Variants in CISD2 observed in about 807,000 individuals in gnomAD.
CISD2 encodes the protein CDGSH iron sulfur domain 2, also known as CDGSH iron-sulfur domain-containing protein 2.
In CISD2, 1 loss-of-function variant was observed where a neutral mutation model predicts 12.9. The observed-to-expected ratio is 0.08, with a 90% confidence interval of 0.03 to 0.37. The LOEUF is 0.37. Among genes scored for constraint, CISD2 ranks in the 10% least tolerant of loss-of-function variants. The pLI, the probability that CISD2 is intolerant of heterozygous loss-of-function variation, is 0.99. For synonymous variants in CISD2, 50 were observed against 60.6 expected, an observed-to-expected ratio of 0.83 and a Z score of 0.81; for missense variants, 97 against 163.1, an observed-to-expected ratio of 0.59 and a Z score of 2.21.
intron 1 of CISD2, chr4:102,874,747 A>G (rs1394658649): frequency 6.6e-6 from 1 of 152,218 alleles, no homozygotes; most frequent in East Asian, 1.9e-4. Context: ...TGTTCTCTGC[A>G]GTTTAGGGAA....
intron 1 of CISD2, 53 bp downstream of exon 1, chr4:102,869,240 G>C (rs974799382): frequency 6.4e-7 from 1 of 1,557,752 alleles, no homozygotes; most frequent in Non-Finnish European, 8.7e-7. Context: ...CCAAGCGGGG[G>C]AAGGAGGCGT....
chr4:102,878,712 T>C (rs1341912758), intron 1 of CISD2, among the ~76,000 whole-genome samples: 2 of 152,210 alleles, frequency 1.3e-5, no homozygotes, highest in Admixed American at 6.5e-5. Flanking sequence ...TCAATAAGTC[T>C]CTAGGAAGTT....
chr4:102,870,103 A>C (rs1013286347), intron 1 of CISD2, among the ~76,000 whole-genome samples: 4 of 152,220 alleles, frequency 2.6e-5, no homozygotes, highest in Non-Finnish European at 5.9e-5. Context: ...AGGGAGTGCA[A>C]ACATGAATTA....
chr4:102,891,456 A>T lies in CISD2; in HGVS notation c.*4026A>T, dbSNP rs1357815141. On this transcript the variant is annotated 3_prime_UTR_variant, in exon 3 of 3. Coordinates refer to ENST00000273986, the MANE Select transcript of CISD2 (RefSeq NM_001008388.5). The stretch of plus-strand genomic sequence containing the variant: ...TCTGCATACAACTGTCTCTGAGGAC[A>T]TCACTGTGATCAAATTATACAAGTG... The T allele has an allele frequency of 6.6e-6, 1 of 152,258 alleles. No individual in the cohort carries two copies. The highest frequency in any genetic ancestry group is 1.5e-5 in the Non-Finnish European group (1 of 68,048). The allele number at this position is 152,258 out of a possible 1,614,324, so 9.4% of individuals were successfully genotyped here.
intron 1 of CISD2, among the ~76,000 whole-genome samples, chr4:102,875,501 GAA>G (rs1733571801): frequency 6.6e-6 from 1 of 152,206 alleles, no homozygotes; most frequent in Non-Finnish European, 1.5e-5. Context: ...AGAAGGTGCT[GAA>G]AGTTTTTTTC....
intron 1 of CISD2, among the ~76,000 whole-genome samples, chr4:102,884,640 A>G (rs1361648079): frequency 6.6e-6 from 1 of 152,244 alleles, no homozygotes; most frequent in Admixed American, 6.5e-5. Context: ...ATGGAATTAG[A>G]TATATCTTAA....
intron 2 of CISD2, 149 bp from the exon 3 acceptor site, chr4:102,887,192 G>A (rs1359271715): frequency 7.4e-5 from 43 of 584,914 alleles, no homozygotes; most frequent in Non-Finnish European, 1.0e-4. Context: ...ATATGGTTCA[G>A]TTGGATGTAG....
At chr4:102,879,636 T>C (rs542476196) in intron 1 of CISD2, among the ~76,000 whole-genome samples, 4 of 152,046 alleles carry the variant, frequency 2.6e-5, no homozygotes, top group Admixed American at 2.0e-4. Flanking sequence ...GCAGGGCGTT[T>C]TGGCAGGCAC....
Position 102,888,602 on chromosome 4 carries a change from A to C in CISD2, c.*1172A>C, listed in dbSNP as rs1323255489. On this transcript the variant is annotated 3_prime_UTR_variant, in exon 3 of 3. Transcript: ENST00000273986. The stretch of plus-strand genomic sequence containing the variant: ...TGTGCTTTTTAATCCTACTATTATG[A>C]ATCTTTTTAGTTTCATCTTACATTA... 6.6e-6 allele frequency: 1 copy of C among 152,232 alleles called. No homozygotes were observed. Among genetic ancestry groups the C allele is most frequent in the Non-Finnish European group, 1.5e-5 (1 of 68,038 alleles). The allele number at this position is 152,232 out of a possible 1,614,324, so 9.4% of individuals were successfully genotyped here.
chr4:102,871,497 A>G (rs1238420455), intron 1 of CISD2, among the ~76,000 whole-genome samples: 1 of 152,218 alleles, frequency 6.6e-6, no homozygotes, highest in African/African-American at 2.4e-5. Context: ...TGGTTTATTT[A>G]GGAAACATGA....
chr4:102,883,485 T>C (rs556964522), intron 1 of CISD2, among the ~76,000 whole-genome samples: 103 of 152,374 alleles, frequency 6.8e-4, no homozygotes, highest in African/African-American at 2.4e-3. Flanking sequence ...CTGCATTGCA[T>C]AGTGTATCCT....
intron 1 of CISD2, among the ~76,000 whole-genome samples, chr4:102,881,085 T>C (rs10025625): frequency 0.11 from 16,905 of 152,198 alleles, 1,019 homozygotes; most frequent in Admixed American, 0.15. Context: ...GCTGAACATA[T>C]ATCAAACAGA....
chr4:102,874,800 C>T (rs1733554194), intron 1 of CISD2: 1 of 152,202 alleles, frequency 6.6e-6, no homozygotes. Flanking sequence ...CTCTTCTCTG[C>T]TTTAATGGCC....
At chr4:102,876,593 C>CA (rs1342503697) in intron 1 of CISD2, among the ~76,000 whole-genome samples, 1 of 151,790 alleles carries the variant, frequency 6.6e-6, no homozygotes, top group Non-Finnish European at 1.5e-5. Context: ...ACTAAAAATA[C>CA]AAAAAAATTA....
Position 102,891,188 on chromosome 4 carries a change from T to C in CISD2, c.*3758T>C, listed in dbSNP as rs116373301. On this transcript the variant is annotated 3_prime_UTR_variant, in exon 3 of 3. Coordinates refer to ENST00000273986, the MANE Select transcript of CISD2 (RefSeq NM_001008388.5). ...AAATTAAGTGGTAATTGAAAAAGTC[T>C]TCTTTTTAAAAAATTTTTAATGGTA... The C allele has an allele frequency of 1.4e-5, 2 of 147,664 alleles. No homozygotes were observed. The highest frequency in any genetic ancestry group is 6.9e-3 in the Middle Eastern group (2 of 290). 9.1% of individuals were successfully genotyped at this position (147,664 alleles called of 1,614,324 possible). A position where few individuals can be genotyped will look rare whatever the true frequency, so the allele number is the denominator to read the frequency against.
At chr4:102,886,723 C>T (rs1733941289) in intron 2 of CISD2, among the ~76,000 whole-genome samples, 1 of 151,656 alleles carries the variant, frequency 6.6e-6, no homozygotes, top group South Asian at 2.1e-4. Context: ...TCAAGGAATT[C>T]TCCCACCTCA....
Position 102,891,497 on chromosome 4 carries a change from T to C in CISD2, c.*4067T>C, listed in dbSNP as rs892706065. The C allele has an allele frequency of 6.6e-6, 1 of 152,176 alleles. No homozygotes were observed. Among genetic ancestry groups the C allele is most frequent in the African/African-American group, 2.4e-5 (1 of 41,430 alleles). 9.4% of individuals were successfully genotyped at this position (152,176 alleles called of 1,614,324 possible). ...TATACAAGTGATGTTTAGTGATGAA[T>C]TGGAATCAAGATAAGTAGTATGTGT... On this transcript the variant is annotated 3_prime_UTR_variant, in exon 3 of 3. Coordinates refer to ENST00000273986, the MANE Select transcript of CISD2 (RefSeq NM_001008388.5).
Position 102,888,003 on chromosome 4 carries a change from AAC to A in CISD2, c.*575_*576del, listed in dbSNP as rs1216883894. ...CTGGATACAAAAAGTTCCATTGAGG[AAC>A]AGTTATTTACAGTATAAAAGATTTG... On this transcript the variant is annotated 3_prime_UTR_variant, in exon 3 of 3. Transcript: ENST00000273986. The A allele has an allele frequency of 1.3e-5, 2 of 153,676 alleles. No homozygotes were observed. The highest frequency in any genetic ancestry group is 2.9e-5 in the Non-Finnish European group (2 of 69,146). The allele number at this position is 153,676 out of a possible 1,614,324, so 9.5% of individuals were successfully genotyped here.
In CISD2 at chr4:102,889,397, T is replaced by C. The variant is rs954487753; in HGVS notation, c.*1967T>C. The stretch of plus-strand genomic sequence containing the variant: ...TTTTGGATATCCTGATCTGTGTTCA[T>C]GAAATGCTCTTCTTTTTGTAAAATC... On this transcript the variant is annotated 3_prime_UTR_variant, in exon 3 of 3. Transcript: ENST00000273986. 6.6e-6 allele frequency: 1 copy of C among 152,228 alleles called. No individual in the cohort carries two copies. The highest frequency in any genetic ancestry group is 2.4e-5 in the African/African-American group (1 of 41,466). The allele number at this position is 152,228 out of a possible 1,614,324, so 9.4% of individuals were successfully genotyped here.
Sources: gnomAD v4.1 joint callset for allele counts (sites outside exome capture counted in the v4.1 genomes callset) on GRCh38, gnomAD v4.1.1 for gene constraint, MANE v1.5 for transcripts, NCBI Gene and HGNC (gene_info 2026-07-23, HGNC 2026-07-21) for gene names.